The following ROBO1 variants were observed in gnomAD, a reference collection of about 807,000 sequenced individuals.
ROBO1 encodes roundabout homolog 1.
A neutral mutation model predicts 195.9 loss-of-function variants in ROBO1; 149 were observed. That is an observed-to-expected ratio of 0.76 (90% CI 0.67 to 0.87). ROBO1 has a LOEUF of 0.87. Ranked by LOEUF, ROBO1 falls within the 40% of genes least tolerant of loss-of-function variation. The pLI is 0.00. For synonymous variants in ROBO1, 816 were observed against 733.2 expected (o/e 1.11, Z -1.82); for missense variants, 1,933 against 2,068.3 (o/e 0.93, Z 1.27).
intron 2 of ROBO1, among the ~76,000 whole-genome samples, chr3:79,296,490 T>C (rs2032606153): frequency 6.6e-6 from 1 of 152,178 alleles, no homozygotes; most frequent in African/African-American, 2.4e-5. Flanking sequence ...GTCCATTCAC[T>C]GGGGTGACCT....
chr3:79,612,137 T>G (rs1192771606), intron 1 of ROBO1, among the ~76,000 whole-genome samples: 1 of 150,634 alleles, frequency 6.6e-6, no homozygotes, highest in Non-Finnish European at 1.5e-5. Flanking sequence ...CACTAACTCG[T>G]CATCTAGCAT....
intron 2 of ROBO1, among the ~76,000 whole-genome samples, chr3:79,562,076 T>C (rs115146443): frequency 0.017 from 2,580 of 152,264 alleles, 48 homozygotes; most frequent in Middle Eastern, 0.078. Context: ...TGTGGACTAA[T>C]TCAGCAATTA....
intron 1 of ROBO1, among the ~76,000 whole-genome samples, chr3:79,614,833 TAA>T (rs1216542607): frequency 2.0e-5 from 3 of 151,794 alleles, no homozygotes; most frequent in Non-Finnish European, 4.4e-5. Context: ...AAAATATAAA[TAA>T]AGAGTCTTAT....
intron 1 of ROBO1, among the ~76,000 whole-genome samples, chr3:79,618,286 G>A (rs560562948): frequency 6.6e-6 from 1 of 152,244 alleles, no homozygotes; most frequent in Admixed American, 6.5e-5. Context: ...ACAACTGGGA[G>A]AAACTCTAAA....
intron 2 of ROBO1, among the ~76,000 whole-genome samples, chr3:79,426,312 A>G (rs2038444938): frequency 2.0e-5 from 3 of 152,072 alleles, no homozygotes; most frequent in Admixed American, 1.3e-4. Flanking sequence ...AACTGACATT[A>G]CTATTACTTA....
chr3:79,344,342 C>G (rs2035025312), intron 2 of ROBO1, among the ~76,000 whole-genome samples: 1 of 152,104 alleles, frequency 6.6e-6, no homozygotes, highest in Admixed American at 6.5e-5. Context: ...CTAGCAGATA[C>G]AGACAAGTGA....
chr3:78,955,267 CTG>C (rs1410381219), intron 3 of ROBO1, among the ~76,000 whole-genome samples: 4 of 151,104 alleles, frequency 2.6e-5, no homozygotes, highest in South Asian at 2.1e-4. Flanking sequence ...TACAGGTAAA[CTG>C]TGTGTCATGG....
intron 1 of ROBO1, among the ~76,000 whole-genome samples, chr3:79,760,236 CAAAAAAAAAA>C (rs11451206): frequency 8.9e-4 from 4 of 4,514 alleles, no homozygotes; most frequent in African/African-American, 1.3e-3. Context: ...GACCCTATCT[CAAAAAAAAAA>C]AAAAAAAAAA....
intron 1 of ROBO1, among the ~76,000 whole-genome samples, chr3:79,755,425 A>G (rs7640064): frequency 0.037 from 5,588 of 152,162 alleles, 352 homozygotes; most frequent in African/African-American, 0.13. Context: ...AACAAAAAAC[A>G]AAACAAAAAA....
chr3:78,634,153 T>G, intron 23 of ROBO1, 111 bp from the exon 24 acceptor site: 1 of 637,916 alleles, frequency 1.6e-6, no homozygotes, highest in Non-Finnish European at 2.6e-6. Flanking sequence ...ATTGGACCAT[T>G]TATTTGCCTT....
At chr3:79,082,457 G>T (rs1296350262) in intron 3 of ROBO1, among the ~76,000 whole-genome samples, 1 of 152,096 alleles carries the variant, frequency 6.6e-6, no homozygotes, top group Non-Finnish European at 1.5e-5. Flanking sequence ...AATATTGGAT[G>T]CATTATAAGT....
chr3:78,868,322 C>T (rs1281027210), intron 4 of ROBO1, among the ~76,000 whole-genome samples: 1 of 151,254 alleles, frequency 6.6e-6, no homozygotes, highest in African/African-American at 2.4e-5. Flanking sequence ...GATGTCAGTG[C>T]AAACCTTGGA....
intron 2 of ROBO1, among the ~76,000 whole-genome samples, chr3:79,172,685 TC>T (rs2081188879): frequency 6.6e-6 from 1 of 152,178 alleles, no homozygotes; most frequent in South Asian, 2.1e-4. Flanking sequence ...GAATTATCTT[TC>T]CAACTATTCC....
chr3:78,928,868 T>C (rs550137910), intron 4 of ROBO1, among the ~76,000 whole-genome samples: 2 of 152,252 alleles, frequency 1.3e-5, no homozygotes, highest in African/African-American at 2.4e-5. Flanking sequence ...CTGACTGAGA[T>C]GAAAATCTGA....
chr3:79,004,113 T>C (rs1335195690), intron 3 of ROBO1, among the ~76,000 whole-genome samples: 2 of 152,184 alleles, frequency 1.3e-5, no homozygotes, highest in African/African-American at 2.4e-5. Flanking sequence ...CCAGTACAAA[T>C]ATAACTGTTG....
intron 2 of ROBO1, among the ~76,000 whole-genome samples, chr3:79,536,838 C>A (rs1941886424): frequency 6.6e-6 from 1 of 152,118 alleles, no homozygotes; most frequent in African/African-American, 2.4e-5. Flanking sequence ...CTCTTACCTC[C>A]TTTGAGATCT....
At chr3:78,652,941 T>C (rs28636395) in intron 18 of ROBO1, among the ~76,000 whole-genome samples, 6,282 of 152,192 alleles carry the variant, frequency 0.041, 440 homozygotes, top group African/African-American at 0.14. Context: ...TTGAGTGATA[T>C]CAACCCTGAG....
chr3:78,914,292 C>A (rs1269551698), intron 4 of ROBO1, among the ~76,000 whole-genome samples: 1 of 152,042 alleles, frequency 6.6e-6, no homozygotes, highest in Non-Finnish European at 1.5e-5. Flanking sequence ...AAGAAATAGA[C>A]AGTATACGAG....
intron 4 of ROBO1, among the ~76,000 whole-genome samples, chr3:78,910,400 G>A (rs532092466): frequency 1.1e-4 from 16 of 151,884 alleles, no homozygotes; most frequent in South Asian, 4.1e-4. Context: ...AGGCTCACCC[G>A]AGGACTGGCA....
Sources: allele counts gnomAD v4.1 joint callset (sites outside exome capture counted in the v4.1 genomes callset), GRCh38; gene constraint gnomAD v4.1.1; transcripts MANE v1.5; gene names NCBI Gene and HGNC (gene_info 2026-07-23, HGNC 2026-07-21).